Variants in ZP3 observed in about 807,000 individuals in gnomAD.
The protein encoded by ZP3 is zona pellucida sperm-binding protein 3.
A neutral mutation model predicts 35.6 loss-of-function variants in ZP3; 21 were observed. The observed-to-expected ratio is 0.59, with a 90% CI of 0.42 to 0.85. The LOEUF is 0.85. ZP3 is among the 40% of genes least tolerant of loss of function. ZP3 has a pLI of 0.00. For synonymous variants in ZP3, 207 were observed against 214.5 expected (o/e 0.96, Z 0.31); for missense variants, 437 against 536.5 (o/e 0.81, Z 1.83).
chr7:76,422,766 G>C (rs746125180), upstream of ZP3, among the ~76,000 whole-genome samples: 2 of 151,280 alleles, frequency 1.3e-5, no homozygotes, highest in African/African-American at 2.4e-5. Flanking sequence ...GGGAGGCCGA[G>C]GAGGGAGAAT....
chr7:76,425,357 G>C (rs1302473495), intron 1 of ZP3, 81 bp downstream of exon 1: 2 of 1,453,278 alleles, frequency 1.4e-6, no homozygotes, highest in Non-Finnish European at 1.8e-6. Flanking sequence ...ACCATCGGTG[G>C]GAGGTGGGGT....
exon 1 of ZP3, chr7:76,397,549 G>T: frequency 6.3e-7 from 1 of 1,593,298 alleles, no homozygotes. Flanking sequence ...CCTCGTGGTG[G>T]CCGCAGTTGT....
intron 1 of ZP3, among the ~76,000 whole-genome samples, chr7:76,411,099 C>G (rs1445191711): frequency 3.3e-5 from 5 of 151,976 alleles, no homozygotes; most frequent in African/African-American, 1.2e-4. Flanking sequence ...TGTCCTTCCT[C>G]CCTCCCTCCT....
chr7:76,407,587 G>T (rs1007613973), intron 1 of ZP3, among the ~76,000 whole-genome samples: 2 of 152,056 alleles, frequency 1.3e-5, no homozygotes, highest in African/African-American at 4.8e-5. Flanking sequence ...AAAACAATTA[G>T]CTGGGCATGG....
intron 1 of ZP3, among the ~76,000 whole-genome samples, chr7:76,410,309 G>A (rs1805207410): frequency 6.6e-6 from 1 of 151,770 alleles, no homozygotes; most frequent in South Asian, 2.1e-4. Context: ...GGGTTTACAG[G>A]TGTGAGCCAC....
intron 5 of ZP3, among the ~76,000 whole-genome samples, chr7:76,439,134 A>AAC (rs1806115200): frequency 8.0e-6 from 1 of 125,318 alleles, no homozygotes; most frequent in African/African-American, 3.0e-5. Flanking sequence ...TCCACCTCAA[A>AAC]AAAAAAAAAA....
intron 1 of ZP3, among the ~76,000 whole-genome samples, chr7:76,413,875 C>G (rs886739593): frequency 6.6e-6 from 1 of 152,166 alleles, no homozygotes; most frequent in African/African-American, 2.4e-5. Flanking sequence ...CTATGTTGCC[C>G]AGGCTGGCTT....
upstream of ZP3, among the ~76,000 whole-genome samples, chr7:76,424,356 C>G (rs761699549): frequency 6.6e-6 from 1 of 152,092 alleles, no homozygotes; most frequent in Non-Finnish European, 1.5e-5. Flanking sequence ...GGGGCGGGCG[C>G]GGTGGCTCAC....
intron 1 of ZP3, chr7:76,397,944 CCCGCTGCCCAGGGTACCG>C: frequency 9.0e-7 from 1 of 1,112,112 alleles, no homozygotes; most frequent in South Asian, 1.7e-5. Flanking sequence ...ATCTGCTCAC[CCCGCTGCCCAGGGTACCG>C]CCTCCTTGGT....
rs60553917 is a variant in ZP3, at chr7:76,436,030, CTTTTTTTTTTTTTTTTT to C, written c.831+1904_831+1920del. On this transcript the variant is annotated intron_variant, in intron 5 of 7. Transcript: ENST00000394857. Reference sequence around the variant, plus strand: ...TGAACCACCACGCGCCCCCCGCCCCCTTTTTTTTTTTTTTTTTTTTTTTTTTTTTTTTTTTTTTTTTT... The same window carrying C: ...TGAACCACCACGCGCCCCCCGCCCCCTTTTTTTTTTTTTTTTTTTTTTTTT... 4.0e-3 allele frequency among the ~76,000 whole-genome samples: 299 copies of C among 74,344 alleles called. 15 individuals carry two copies. In the East Asian group the frequency reaches 0.043, roughly 11 times the overall value. The allele number at this position is 74,344 out of a possible 152,430, so 48.8% of individuals were successfully genotyped here.
At chr7:76,416,046 C>T (rs1235866752) in intron 1 of ZP3, among the ~76,000 whole-genome samples, 1 of 151,958 alleles carries the variant, frequency 6.6e-6, no homozygotes, top group African/African-American at 2.4e-5. Context: ...ATGAGAATCG[C>T]TTGAACCTGG....
chr7:76,436,327 G>A (rs71562427), intron 5 of ZP3, among the ~76,000 whole-genome samples: 8,271 of 149,508 alleles, frequency 0.055, no homozygotes, highest in Middle Eastern at 0.12. Flanking sequence ...GATTACAGGC[G>A]TGAGCCACTG....
intron 1 of ZP3, among the ~76,000 whole-genome samples, chr7:76,428,152 C>G (rs1563698534): frequency 7.1e-6 from 1 of 141,162 alleles, no homozygotes; most frequent in Non-Finnish European, 1.5e-5. Flanking sequence ...ATGGCGAAAC[C>G]CTGTCTCTAT....
intron 1 of ZP3, chr7:76,429,305 A>G (rs1382957032): frequency 7.3e-6 from 4 of 549,032 alleles, no homozygotes; most frequent in South Asian, 4.0e-5. Context: ...GGGTCTTGCT[A>G]TGTTTCCCAG....
chr7:76,427,640 AG>A (rs1805707393), intron 1 of ZP3, among the ~76,000 whole-genome samples: 1 of 152,020 alleles, frequency 6.6e-6, no homozygotes, highest in Non-Finnish European at 1.5e-5. Context: ...CTTTTGAATA[AG>A]GGGCCCCACG....
chr7:76,397,856 G>A, intron 1 of ZP3: 1 of 1,507,180 alleles, frequency 6.6e-7, no homozygotes, highest in Non-Finnish European at 8.9e-7. Context: ...CGGGGGTCAG[G>A]GCGCATCTCC....
chr7:76,399,875 C>A (rs1804758974), intron 1 of ZP3, among the ~76,000 whole-genome samples: 1 of 152,116 alleles, frequency 6.6e-6, no homozygotes, highest in African/African-American at 2.4e-5. Context: ...TGACTTGGAC[C>A]TGTAGTTCCA....
intron 1 of ZP3, chr7:76,409,704 C>T (rs1183819145): frequency 6.6e-6 from 1 of 152,544 alleles, no homozygotes; most frequent in South Asian, 2.1e-4. Context: ...AAAGGGCACC[C>T]AGGTGGAGGC....
intron 5 of ZP3, among the ~76,000 whole-genome samples, chr7:76,435,381 C>T (rs1250998412): frequency 6.6e-6 from 1 of 152,218 alleles, no homozygotes; most frequent in East Asian, 1.9e-4. Context: ...TCCCAAACTC[C>T]TGACCTCAGG....
Sources: gnomAD v4.1 joint callset for allele counts (sites outside exome capture counted in the v4.1 genomes callset) on GRCh38, gnomAD v4.1.1 for gene constraint, MANE v1.5 for transcripts, NCBI Gene and HGNC (gene_info 2026-07-23, HGNC 2026-07-21) for gene names.